Variants in RYR2 observed in about 807,000 individuals in gnomAD.
RYR2 encodes ryanodine receptor 2, also known as cardiac muscle ryanodine receptor-calcium release channel.
A neutral mutation model predicts 601.1 loss-of-function variants in RYR2; 227 were observed. The observed-to-expected ratio is 0.38, with a 90% CI of 0.34 to 0.42. The LOEUF (loss-of-function observed/expected upper bound fraction) is 0.42, where lower values mean the gene tolerates loss of function less well. RYR2 is among the 10% of genes least tolerant of loss of function. RYR2 has a pLI of 1.00. For missense variants in RYR2, 4,646 were observed against 6,156.5 expected, an observed-to-expected ratio of 0.75 and a Z score of 8.21; for synonymous variants, 2,223 against 2,175.1, an observed-to-expected ratio of 1.02 and a Z score of -0.61.
At chr1:237,755,667 T>C (rs1330536603) in intron 80 of RYR2, among the ~76,000 whole-genome samples, 1 of 152,216 alleles carries the variant, frequency 6.6e-6, no homozygotes, top group Non-Finnish European at 1.5e-5. Context: ...GCTCCAGCAG[T>C]ACCATGCAGT....
Position 237,744,349 on chromosome 1 carries a change from T to TAAAAAAAA in RYR2, c.11145+2006_11145+2013dup, listed in dbSNP as rs752916603. Among the ~76,000 whole-genome samples, 146 of 141,052 alleles carry TAAAAAAAA rather than the reference T, an allele frequency of 1.0e-3. 1 individual carries two copies. The highest frequency in any genetic ancestry group is 2.1e-3 in the South Asian group (9 of 4,254). The allele number at this position is 141,052 out of a possible 152,430, so 92.5% of individuals were successfully genotyped here. A position where few individuals can be genotyped will look rare whatever the true frequency, so the allele number is the denominator to read the frequency against. On this transcript the variant is annotated intron_variant, in intron 80 of 104. Transcript: ENST00000366574. The stretch of plus-strand genomic sequence containing the variant: ...AAGACTTTAGTTTTGTTTGTTTGTT[T>TAAAAAAAA]AAAAAAAAAAAAAGCTTTTTAGGTG...
In RYR2 at chr1:237,469,258, CAAAAAAAA is replaced by C. The variant is rs66912945; in HGVS notation, c.1708+85_1708+92del. 8.6e-4 allele frequency: 96 copies of C among 112,274 alleles called. 2 individuals carry two copies. The highest frequency in any genetic ancestry group is 8.0e-3 in the Middle Eastern group (2 of 250). 7.0% of individuals were successfully genotyped at this position (112,274 alleles called of 1,614,324 possible). A position where few individuals can be genotyped will look rare whatever the true frequency, so the allele number is the denominator to read the frequency against. ...TTTCTTTGCTTCGTATCCTTTAAGA[CAAAAAAAA>C]AAAAAAAAAAAAACAACTTTGAGTG... On this transcript the variant is annotated intron_variant, in intron 17 of 104. Transcript: ENST00000366574.
intron 92 of RYR2, 130 bp downstream of exon 92, chr1:237,788,265 T>C (rs1657900659): frequency 1.5e-6 from 1 of 666,950 alleles, no homozygotes; most frequent in Non-Finnish European, 2.5e-6. Context: ...ACATGTTTGA[T>C]TTGCTCATTG....
intron 24 of RYR2, among the ~76,000 whole-genome samples, chr1:237,521,287 A>G (rs532542052): frequency 6.6e-6 from 1 of 152,340 alleles, no homozygotes; most frequent in East Asian, 1.9e-4. Context: ...ATTAACATAG[A>G]CACAACAGTC....
chr1:237,691,988 A>AT (rs1420649654), intron 63 of RYR2, among the ~76,000 whole-genome samples: 3 of 152,150 alleles, frequency 2.0e-5, no homozygotes, highest in African/African-American at 7.2e-5. Context: ...TCTGATTACT[A>AT]TTTTCAAGGC....
chr1:237,387,456 G>A (rs1018162673), intron 9 of RYR2, 76 bp downstream of exon 9: 7 of 1,304,516 alleles, frequency 5.4e-6, no homozygotes, highest in South Asian at 2.4e-5. Context: ...GTGATAATGA[G>A]CTGATTGTTA....
chr1:237,225,842 A>G (rs543260859), intron 1 of RYR2, among the ~76,000 whole-genome samples: 1 of 152,162 alleles, frequency 6.6e-6, no homozygotes, highest in Non-Finnish European at 1.5e-5. Flanking sequence ...TGATCATGAG[A>G]TCAGGAGTTT....
At chr1:237,288,836 C>T (rs1312033668) in intron 2 of RYR2, among the ~76,000 whole-genome samples, 1 of 152,108 alleles carries the variant, frequency 6.6e-6, no homozygotes, top group African/African-American at 2.4e-5. Flanking sequence ...GGAGGCCTCT[C>T]ACCCCATTCA....
chr1:237,476,448 T>G (rs1661406555), intron 17 of RYR2, among the ~76,000 whole-genome samples: 1 of 137,000 alleles, frequency 7.3e-6, no homozygotes, highest in African/African-American at 2.9e-5. Context: ...AGGTGGAGGT[T>G]GCAGTGAGCC....
At chr1:237,442,849 AATTTGGTATTTGT>A (rs1708028870) in intron 13 of RYR2, among the ~76,000 whole-genome samples, 1 of 152,152 alleles carries the variant, frequency 6.6e-6, no homozygotes, top group South Asian at 2.1e-4. Context: ...CACATGTGGC[AATTTGGTATTTGT>A]ATATAACTCG....
At chr1:237,578,296 CA>C (rs1192156131) in intron 29 of RYR2, among the ~76,000 whole-genome samples, 1 of 137,168 alleles carries the variant, frequency 7.3e-6, no homozygotes, top group African/African-American at 2.7e-5. Context: ...TTCATTTTAG[CA>C]CAGAAAAAAA....
In RYR2 at chr1:237,451,076, G is replaced by A. The variant is rs149240484; in HGVS notation, c.1293-3315G>A. Among the ~76,000 whole-genome samples the A allele has an allele frequency of 1.8e-3, 272 of 151,840 alleles. 1 individual carries two copies. The highest frequency in any genetic ancestry group is 6.4e-3 in the African/African-American group (264 of 41,392). On this transcript the variant is annotated intron_variant, in intron 14 of 104. Coordinates refer to ENST00000366574, the MANE Select transcript of RYR2 (RefSeq NM_001035.3). The stretch of plus-strand genomic sequence containing the variant: ...ATAAACTTGCAAGTTTCACTTAAAT[G>A]CACAGGAGTATTACCTATTATAAGT...
intron 2 of RYR2, among the ~76,000 whole-genome samples, chr1:237,307,576 G>A (rs778190006): frequency 2.0e-5 from 3 of 152,078 alleles, no homozygotes; most frequent in Non-Finnish European, 4.4e-5. Flanking sequence ...TTTGAAATTT[G>A]TCATTTATTT....
intron 69 of RYR2, 95 bp downstream of exon 69, chr1:237,709,193 C>T (rs1688622249): frequency 8.4e-7 from 1 of 1,185,358 alleles, no homozygotes; most frequent in East Asian, 2.4e-5. Context: ...ACTATTTTGC[C>T]ATGAGCTTGT....
chr1:237,576,011 G>A (rs183814730), intron 29 of RYR2, among the ~76,000 whole-genome samples: 48 of 152,278 alleles, frequency 3.2e-4, no homozygotes, highest in Non-Finnish European at 5.4e-4. Context: ...TCAGAGACTA[G>A]CAGTAGCTAG....
chr1:237,675,592 T>G (rs1250293544), intron 60 of RYR2, among the ~76,000 whole-genome samples: 2 of 152,182 alleles, frequency 1.3e-5, no homozygotes, highest in Non-Finnish European at 2.9e-5. Context: ...TTCATTTATT[T>G]TCATTTTCGT....
intron 48 of RYR2, among the ~76,000 whole-genome samples, chr1:237,647,360 C>T (rs1682280823): frequency 6.6e-6 from 1 of 152,178 alleles, no homozygotes; most frequent in Non-Finnish European, 1.5e-5. Flanking sequence ...GTGTCAGTAA[C>T]ATTCCTAGTG....
chr1:237,700,772 T>C (rs1687899762), intron 65 of RYR2, among the ~76,000 whole-genome samples: 1 of 152,188 alleles, frequency 6.6e-6, no homozygotes, highest in Admixed American at 6.5e-5. Context: ...ACATAAACGT[T>C]TTAATGCAGT....
rs1558437085 is a variant in RYR2, at chr1:237,213,922, T to TC, written c.49-56575_49-56574insC. On this transcript the variant is annotated intron_variant, in intron 1 of 104. Coordinates refer to ENST00000366574, the MANE Select transcript of RYR2 (RefSeq NM_001035.3). The stretch of plus-strand genomic sequence containing the variant: ...ATCTTTTTTTTTCTTTTTCTTTTTT[T>TC]TTTTTTTTTTTTTTTTTAGACAGAG... Among the ~76,000 whole-genome samples the TC allele has an allele frequency of 2.2e-5, 3 of 138,192 alleles. No homozygotes were observed. The East Asian group carries it at 6.1e-4, about 28-fold the overall frequency. The allele number at this position is 138,192 out of a possible 152,430, so 90.7% of individuals were successfully genotyped here.
Sources: allele counts gnomAD v4.1 joint callset (sites outside exome capture counted in the v4.1 genomes callset), GRCh38; gene constraint gnomAD v4.1.1; transcripts MANE v1.5; gene names NCBI Gene and HGNC (gene_info 2026-07-23, HGNC 2026-07-21).